Variants in HGF observed in about 807,000 individuals in gnomAD.
HGF encodes the protein fibroblast-derived tumor cytotoxic factor.
In HGF, 39 loss-of-function variants were observed where a neutral mutation model predicts 111.6. That is an observed-to-expected ratio of 0.35 (90% CI 0.27 to 0.46). The LOEUF is 0.46. HGF is among the 20% of genes least tolerant of loss of function. The probability of loss-of-function intolerance (pLI) is 1.00; values close to 1 mark genes in which losing one functional copy is unlikely to be tolerated. For synonymous variants in HGF, 285 were observed against 294.8 expected (o/e 0.97, Z 0.34); for missense variants, 735 against 910.5 (o/e 0.81, Z 2.48).
chr7:81,765,404 T>G (rs1367717633), intron 1 of HGF, among the ~76,000 whole-genome samples: 1 of 152,124 alleles, frequency 6.6e-6, no homozygotes, highest in African/African-American at 2.4e-5. Context: ...AATCACTACC[T>G]TTCATCTAAA....
chr7:81,733,974 T>G (rs1787747262), intron 7 of HGF, among the ~76,000 whole-genome samples: 1 of 152,162 alleles, frequency 6.6e-6, no homozygotes, highest in Non-Finnish European at 1.5e-5. Context: ...AAGAGGGCTA[T>G]TAAATGTTGG....
intron 2 of HGF, among the ~76,000 whole-genome samples, 167 bp downstream of exon 2, chr7:81,762,539 GT>G (rs1789138523): frequency 6.6e-6 from 1 of 152,168 alleles, no homozygotes; most frequent in East Asian, 1.9e-4. Context: ...CTCAAGCTAT[GT>G]TTCCATAAAC....
At chr7:81,712,716 G>T (rs1177373459) in intron 11 of HGF, among the ~76,000 whole-genome samples, 1 of 152,162 alleles carries the variant, frequency 6.6e-6, no homozygotes, top group Non-Finnish European at 1.5e-5. Context: ...AGACCCAGAT[G>T]GTTGTCAATC....
intron 15 of HGF, 118 bp downstream of exon 15, chr7:81,706,169 T>C (rs1161928365): frequency 3.5e-6 from 3 of 862,860 alleles, no homozygotes; most frequent in Admixed American, 1.9e-5. Flanking sequence ...ATATACAGCA[T>C]GTAACATATG....
At chr7:81,765,282 G>A (rs909841215) in intron 1 of HGF, among the ~76,000 whole-genome samples, 7 of 152,022 alleles carry the variant, frequency 4.6e-5, no homozygotes, top group African/African-American at 1.7e-4. Flanking sequence ...GGTCTCCGTG[G>A]AATTTTTGAT....
chr7:81,734,845 C>T (rs977477780), intron 7 of HGF, among the ~76,000 whole-genome samples: 3 of 152,124 alleles, frequency 2.0e-5, no homozygotes, highest in Middle Eastern at 3.4e-3. Context: ...CCCTCAACAT[C>T]CCCACCAAAA....
chr7:81,754,097 G>A (rs901753502), intron 4 of HGF, among the ~76,000 whole-genome samples: 5 of 151,920 alleles, frequency 3.3e-5, no homozygotes, highest in Non-Finnish European at 7.4e-5. Context: ...TGATATGGTA[G>A]AGTGGTGAGA....
chr7:81,736,792 A>G (rs898439744), intron 7 of HGF: 6 of 458,824 alleles, frequency 1.3e-5, no homozygotes, highest in South Asian at 9.3e-5. Flanking sequence ...GAAGTCACAT[A>G]TAAGGTTAGA....
In HGF at chr7:81,717,350, T is replaced by C; in HGVS notation, c.1287A>G (p.Glu429=). The change falls in exon 11 of 18, where the codon GAA becomes GAG. Residue 429 remains glutamate (E), a synonymous_variant. Transcript: ENST00000222390. The stretch of plus-strand genomic sequence containing the variant: ...TCTCATTCAGCTTACTTGCATCTGG[T>C]TCCCAGAAGATATGACTGTGGAAAC... ...MEDLHRHIFW[E]PDASKLNENY... 5 of 1,613,664 alleles carry C rather than the reference T, an allele frequency of 3.1e-6. No individual in the cohort carries two copies. Among genetic ancestry groups the C allele is most frequent in the Non-Finnish European group, 4.2e-6 (5 of 1,179,614 alleles).
Position 81,720,974 on chromosome 7 carries a change from G to A in HGF, c.1169-127C>T, listed in dbSNP as rs1443938122. 3.5e-5 allele frequency: 23 copies of A among 658,998 alleles called. 1 individual carries two copies. Among genetic ancestry groups the A allele is most frequent in the Non-Finnish European group, 5.5e-5 (20 of 362,898 alleles). 40.8% of individuals were successfully genotyped at this position (658,998 alleles called of 1,614,324 possible). A position where few individuals can be genotyped will look rare whatever the true frequency, so the allele number is the denominator to read the frequency against. Reference sequence around the variant, plus strand: ...TAAAGTACTTGAAAGGGCTGGGTGCGGTGGCTCACGCCTGTAATCCCAGCA... The same window carrying A: ...TAAAGTACTTGAAAGGGCTGGGTGCAGTGGCTCACGCCTGTAATCCCAGCA... On this transcript the variant is annotated intron_variant, in intron 9 of 17. Transcript: ENST00000222390.
At chr7:81,715,592 T>C (rs998608005) in intron 11 of HGF, among the ~76,000 whole-genome samples, 1 of 152,100 alleles carries the variant, frequency 6.6e-6, no homozygotes, top group Admixed American at 6.6e-5. Context: ...CCCAACCTAT[T>C]AAAAATAGAT....
intron 5 of HGF, among the ~76,000 whole-genome samples, chr7:81,746,799 G>C (rs1788275110): frequency 6.6e-6 from 1 of 152,010 alleles, no homozygotes; most frequent in Non-Finnish European, 1.5e-5. Flanking sequence ...ATGGTTTTAA[G>C]AAAAAATAGC....
At chr7:81,751,784 T>G in intron 5 of HGF, 1 of 1,121,636 alleles carries the variant, frequency 8.9e-7, no homozygotes, top group Non-Finnish European at 1.1e-6. Context: ...TAAGCTTCAT[T>G]CAACTCCTTT....
chr7:81,766,478 G>A (rs1268496983), intron 1 of HGF, among the ~76,000 whole-genome samples: 2 of 152,146 alleles, frequency 1.3e-5, no homozygotes, highest in Non-Finnish European at 2.9e-5. Context: ...TATTATCTAA[G>A]ACATGGATTT....
chr7:81,744,799 T>C (rs1788162934), intron 6 of HGF, among the ~76,000 whole-genome samples: 1 of 152,192 alleles, frequency 6.6e-6, no homozygotes, highest in Admixed American at 6.5e-5. Context: ...CATAAATCTT[T>C]TTGCCCTTAG....
intron 2 of HGF, among the ~76,000 whole-genome samples, chr7:81,759,262 A>G (rs1049388113): frequency 2.6e-5 from 4 of 152,332 alleles, no homozygotes; most frequent in South Asian, 2.1e-4. Context: ...AGTAATTTAC[A>G]AAGTGTATAA....
intron 7 of HGF, among the ~76,000 whole-genome samples, chr7:81,739,504 C>A (rs1787936617): frequency 6.6e-6 from 1 of 152,036 alleles, no homozygotes; most frequent in South Asian, 2.1e-4. Context: ...AAATTATAAA[C>A]AGCATGAATA....
chr7:81,705,393 A>G lies in HGF; in HGVS notation c.2007T>C (p.Cys669=), dbSNP rs772105726. Residue 669 remains cysteine, a synonymous_variant, in exon 17 of 18, where the codon TGT becomes TGC. Coordinates refer to ENST00000222390, the MANE Select transcript of HGF (RefSeq NM_000601.6). ...TATTAAAGAACTTCCTTTTTACCTC[A>G]CATGGTCCTGATCCAATCTTTTCAG... is the stretch of plus-strand genomic sequence containing the variant. ...AGAEKIGSGP[C]EGDYGGPLVC... 6.2e-7 allele frequency: 1 copy of G among 1,612,398 alleles called. No individual in the cohort carries two copies. The highest frequency in any genetic ancestry group is 1.3e-5 in the African/African-American group (1 of 74,930).
chr7:81,732,916 G>A (rs1787713686), intron 7 of HGF, among the ~76,000 whole-genome samples: 1 of 152,126 alleles, frequency 6.6e-6, no homozygotes. Context: ...GTTCACTGCT[G>A]ATTTATCCAC....
Sources: gnomAD v4.1 joint callset for allele counts (sites outside exome capture counted in the v4.1 genomes callset) on GRCh38, gnomAD v4.1.1 for gene constraint, MANE v1.5 for transcripts, NCBI Gene and HGNC (gene_info 2026-07-23, HGNC 2026-07-21) for gene names.